The following KLF8 variants were observed in gnomAD, a reference collection of about 807,000 sequenced individuals.
KLF8 encodes KLF transcription factor 8, also known as Krueppel-like factor 8.
In KLF8, 10 loss-of-function variants were observed where a neutral mutation model predicts 18.2. That is an observed-to-expected ratio of 0.55 (90% CI 0.34 to 0.93). The LOEUF is 0.93. KLF8 is among the 40% of genes least tolerant of loss of function. The pLI is 0.02. For missense variants in KLF8, 264 were observed against 277.9 expected, an observed-to-expected ratio of 0.95 and a Z score of 0.36; for synonymous variants, 109 against 97.3, an observed-to-expected ratio of 1.12 and a Z score of -0.71.
At chrX:56,080,598 A>C in the KLF8 span, among the ~76,000 whole-genome samples, 1 of 110,597 alleles carries the variant, frequency 9.0e-6, no homozygotes, top group Admixed American at 9.6e-5. Context: ...CCTTCATTTC[A>C]ACTTCGGTGA....
chrX:56,152,692 T>C, the KLF8 span, among the ~76,000 whole-genome samples: 1 of 111,587 alleles, frequency 9.0e-6, no homozygotes, highest in Admixed American at 9.6e-5. Flanking sequence ...TAGTGCTTTA[T>C]TTTTTACTCT....
In KLF8 at chrX:56,279,630, A is replaced by G. The variant is rs763631921; in HGVS notation, c.899-4683A>G. ...GAGGTGCAAGAGTGGAAGGGGTAAG[A>G]TCAGTTAAGAGGCTAATGAAGCAAT... On this transcript the variant is annotated intron_variant, in intron 5 of 5. Coordinates refer to ENST00000468660, the MANE Select transcript of KLF8 (RefSeq NM_007250.5). Among the ~76,000 whole-genome samples the G allele has an allele frequency of 2.7e-5, 3 of 111,368 alleles. No individual in the cohort carries two copies. In the East Asian group the frequency reaches 8.5e-4, roughly 31 times the overall value.
the KLF8 span, among the ~76,000 whole-genome samples, chrX:55,960,506 ACT>A: frequency 9.1e-6 from 1 of 110,370 alleles, no homozygotes; most frequent in Non-Finnish European, 1.9e-5. Context: ...CAAGAGTGAA[ACT>A]CTGTCAAAAA....
At chrX:56,095,244 G>A in the KLF8 span, among the ~76,000 whole-genome samples, 3 of 112,049 alleles carry the variant, frequency 2.7e-5, no homozygotes, top group African/African-American at 9.7e-5. Flanking sequence ...TTCAATAAAT[G>A]GTACTGGGAA....
intron 5 of KLF8, among the ~76,000 whole-genome samples, chrX:56,273,991 C>T (rs2067089627): frequency 8.9e-6 from 1 of 112,197 alleles, no homozygotes; most frequent in Non-Finnish European, 1.9e-5. Context: ...CATGAGAGTG[C>T]AGATATCTCA....
chrX:56,173,572 G>T, the KLF8 span, among the ~76,000 whole-genome samples: 2 of 111,817 alleles, frequency 1.8e-5, no homozygotes, highest in African/African-American at 6.5e-5. Context: ...AGATTCACTA[G>T]GCAATGCGGG....
chrX:55,996,150 A>G, the KLF8 span, among the ~76,000 whole-genome samples: 1 of 111,696 alleles, frequency 9.0e-6, no homozygotes, highest in Non-Finnish European at 1.9e-5. Context: ...AGCTTGGTCT[A>G]TTCTGCTGGT....
the KLF8 span, among the ~76,000 whole-genome samples, chrX:55,924,094 G>A: frequency 2.7e-5 from 3 of 110,376 alleles, no homozygotes; most frequent in Non-Finnish European, 5.7e-5. Flanking sequence ...TTTTTGAGAC[G>A]AGTCTCGCTC....
chrX:56,146,455 C>T, the KLF8 span, among the ~76,000 whole-genome samples: 1 of 111,398 alleles, frequency 9.0e-6, no homozygotes, highest in Admixed American at 9.6e-5. Flanking sequence ...AGGAAACTAA[C>T]ACAAGAACAG....
chrX:56,056,904 G>A, the KLF8 span, among the ~76,000 whole-genome samples: 2 of 106,480 alleles, frequency 1.9e-5, no homozygotes, highest in Middle Eastern at 4.9e-3. Context: ...CTGGTCACTA[G>A]ACTCTGATGG....
rs969574291 is a variant in KLF8 at position 56,290,290 on chromosome X, T to C, written c.*5796T>C. Among the ~76,000 whole-genome samples the C allele has an allele frequency of 2.7e-5, 3 of 111,502 alleles. No individual in the cohort carries two copies. The highest frequency in any genetic ancestry group is 5.7e-5 in the Non-Finnish European group (3 of 53,048). ...TCTCATAAATTGATTTTGGCAAAAA[T>C]GAAAGATCTTTAAGTGAACAACCAA... On this transcript the variant is annotated 3_prime_UTR_variant, in exon 6 of 6. Coordinates refer to ENST00000468660, the MANE Select transcript of KLF8 (RefSeq NM_007250.5).
the KLF8 span, among the ~76,000 whole-genome samples, chrX:56,113,554 G>GTTTTTTTT: frequency 3.6e-3 from 125 of 34,632 alleles, 6 homozygotes; most frequent in African/African-American, 9.0e-3. Context: ...GGCAGGGATA[G>GTTTTTTTT]TTTTTTTTTT....
chrX:56,133,797 G>A, the KLF8 span, among the ~76,000 whole-genome samples: 1 of 111,252 alleles, frequency 9.0e-6, no homozygotes, highest in Admixed American at 9.6e-5. Flanking sequence ...TCCTAGAACT[G>A]ATAAATGAAT....
chrX:56,198,545 C>T, the KLF8 span, among the ~76,000 whole-genome samples: 2 of 111,584 alleles, frequency 1.8e-5, no homozygotes, highest in Non-Finnish European at 3.8e-5. Flanking sequence ...TGTGAAGAAC[C>T]TCTTCAAAGA....
the KLF8 span, among the ~76,000 whole-genome samples, chrX:56,037,450 G>C: frequency 9.0e-6 from 1 of 111,240 alleles, no homozygotes; most frequent in Admixed American, 9.6e-5. Flanking sequence ...AGAATTCTCT[G>C]TGCTTCAATT....
the KLF8 span, among the ~76,000 whole-genome samples, chrX:55,983,235 G>C: frequency 9.1e-6 from 1 of 110,467 alleles, no homozygotes; most frequent in African/African-American, 3.3e-5. Context: ...ATTACTTTGT[G>C]GTGATGGAAT....
chrX:56,107,595 G>A, the KLF8 span, among the ~76,000 whole-genome samples: 7 of 111,695 alleles, frequency 6.3e-5, no homozygotes, highest in Non-Finnish European at 1.1e-4. Context: ...ATTTGGATGG[G>A]AGTTTCCCAT....
the KLF8 span, among the ~76,000 whole-genome samples, chrX:56,149,687 T>TA: frequency 9.0e-6 from 1 of 111,621 alleles, no homozygotes; most frequent in African/African-American, 3.3e-5. Context: ...GTCTCAAAGA[T>TA]ACACCTAAAA....
intron 2 of KLF8, among the ~76,000 whole-genome samples, chrX:56,259,765 A>G (rs762328902): frequency 1.1e-4 from 12 of 111,132 alleles, no homozygotes; most frequent in Non-Finnish European, 1.5e-4. Context: ...CATCCTTGCC[A>G]TCAATATTAT....
Sources: gnomAD v4.1 joint callset for allele counts (sites outside exome capture counted in the v4.1 genomes callset) on GRCh38, gnomAD v4.1.1 for gene constraint, MANE v1.5 for transcripts, NCBI Gene and HGNC (gene_info 2026-07-23, HGNC 2026-07-21) for gene names.